NDUFAF6: variants seen among roughly 807,000 people sequenced by gnomAD.
NDUFAF6 encodes the protein NADH dehydrogenase (ubiquinone) complex I, assembly factor 6.
NDUFAF6 carries 45 observed loss-of-function variants against 40.8 expected under a neutral mutation model. That is an observed-to-expected ratio of 1.10 (90% CI 0.87 to 1.42). NDUFAF6 has a LOEUF of 1.42. Among genes scored for constraint, NDUFAF6 ranks in the 40% most tolerant of loss-of-function variants. The pLI, the probability that NDUFAF6 is intolerant of heterozygous loss-of-function variation, is 0.00. For synonymous variants in NDUFAF6, 185 were observed against 155.9 expected, an observed-to-expected ratio of 1.19 and a Z score of -1.39; for missense variants, 435 against 418.5, an observed-to-expected ratio of 1.04 and a Z score of -0.34.
intron 2 of NDUFAF6, among the ~76,000 whole-genome samples, chr8:95,019,613 T>A (rs181132172): frequency 6.6e-6 from 1 of 152,330 alleles, no homozygotes; most frequent in African/African-American, 2.4e-5. Flanking sequence ...ATTGAAAAAT[T>A]GGCAATATAA....
intron 1 of NDUFAF6, among the ~76,000 whole-genome samples, chr8:94,958,392 G>T (rs1261955595): frequency 2.0e-5 from 3 of 151,988 alleles, no homozygotes. Context: ...GTGCCCACAT[G>T]CTCTGCCTGT....
chr8:95,070,536 A>C (rs1832816398), intron 9 of NDUFAF6, among the ~76,000 whole-genome samples: 1 of 152,194 alleles, frequency 6.6e-6, no homozygotes, highest in African/African-American at 2.4e-5. Flanking sequence ...ACACATTTTT[A>C]CTTCTTCTAA....
At chr8:95,044,821 A>G (rs1830552472) in intron 4 of NDUFAF6, among the ~76,000 whole-genome samples, 1 of 151,828 alleles carries the variant, frequency 6.6e-6, no homozygotes, top group African/African-American at 2.4e-5. Flanking sequence ...TCTGATTTTA[A>G]AGAGGGTGAA....
chr8:94,955,256 C>G (rs1822977234), upstream of NDUFAF6, among the ~76,000 whole-genome samples: 1 of 152,180 alleles, frequency 6.6e-6, no homozygotes, highest in Non-Finnish European at 1.5e-5. Context: ...TCATAAAGAA[C>G]AGAGATTTAT....
chr8:95,011,167 A>T (rs1464306787), intron 2 of NDUFAF6, among the ~76,000 whole-genome samples: 1 of 152,202 alleles, frequency 6.6e-6, no homozygotes, highest in Non-Finnish European at 1.5e-5. Context: ...GGAGCATCAG[A>T]GAAGCACCAG....
At chr8:95,098,186 GA>G (rs1366508697), upstream of NDUFAF6, among the ~76,000 whole-genome samples, 1 of 152,170 alleles carries the variant, frequency 6.6e-6, no homozygotes, top group Non-Finnish European at 1.5e-5. Flanking sequence ...CTAACTGGGG[GA>G]AAGATGTTTA....
chr8:95,077,476 C>T (rs986129011), downstream of NDUFAF6, among the ~76,000 whole-genome samples: 11 of 152,288 alleles, frequency 7.2e-5, no homozygotes, highest in African/African-American at 9.6e-5. Flanking sequence ...ACGTCTACAA[C>T]GTGGAGATGC....
chr8:95,059,054 T>TTAA (rs1832494605), downstream of NDUFAF6, among the ~76,000 whole-genome samples: 1 of 151,970 alleles, frequency 6.6e-6, no homozygotes, highest in South Asian at 2.1e-4. Context: ...CGAATAATAA[T>TTAA]TAATAATAAT....
intron 1 of NDUFAF6, among the ~76,000 whole-genome samples, chr8:94,898,822 G>A (rs879306624): frequency 7.2e-5 from 11 of 151,970 alleles, no homozygotes; most frequent in South Asian, 2.1e-4. Flanking sequence ...ATGGATATTC[G>A]TTTTATAATT....
rs76910495 is a variant in NDUFAF6 at position 95,064,850 on chromosome 8, C to T, written c.*512-10783C>T. ...AGAAGCCAAGAAGAATCTAAACGGA[C>T]GGGCCTTGCTGGGTTTCCTCAGTCT... is the stretch of plus-strand genomic sequence containing the variant. On this transcript the variant is annotated intron_variant and NMD_transcript_variant, in intron 9 of 9. Coordinates refer to the NDUFAF6 transcript ENST00000520757. Among the ~76,000 whole-genome samples the T allele has an allele frequency of 4.9e-4, 75 of 152,256 alleles. No homozygotes were observed. In the East Asian group the frequency reaches 0.013, roughly 26 times the overall value.
intron 5 of NDUFAF6, among the ~76,000 whole-genome samples, chr8:95,046,308 G>A (rs1299857887): frequency 6.6e-6 from 1 of 152,184 alleles, no homozygotes; most frequent in African/African-American, 2.4e-5. Context: ...GCCTCCCAAA[G>A]TGCTGGGATT....
intron 1 of NDUFAF6, among the ~76,000 whole-genome samples, chr8:94,903,351 C>G (rs534705046): frequency 8.6e-5 from 13 of 152,004 alleles, no homozygotes; most frequent in African/African-American, 3.1e-4. Flanking sequence ...AGAGAGAGAC[C>G]CTGTCTCGAA....
intron 1 of NDUFAF6, among the ~76,000 whole-genome samples, chr8:95,031,786 A>G (rs563090042): frequency 6.6e-6 from 1 of 152,314 alleles, no homozygotes; most frequent in South Asian, 2.1e-4. Context: ...TTTTTAGTAG[A>G]GACGAGGTTT....
intron 1 of NDUFAF6, among the ~76,000 whole-genome samples, chr8:95,030,514 A>C (rs745869118): frequency 1.3e-5 from 2 of 152,152 alleles, no homozygotes; most frequent in Non-Finnish European, 2.9e-5. Flanking sequence ...GATTATAGGC[A>C]TGAGCCACCA....
At chr8:95,043,823 T>A (rs187984738) in intron 4 of NDUFAF6, among the ~76,000 whole-genome samples, 2 of 152,328 alleles carry the variant, frequency 1.3e-5, no homozygotes, top group Admixed American at 1.3e-4. Flanking sequence ...GAAAAATAGT[T>A]TGGCAACTTT....
At chr8:95,019,569 G>A (rs1827605460) in intron 2 of NDUFAF6, among the ~76,000 whole-genome samples, 1 of 151,782 alleles carries the variant, frequency 6.6e-6, no homozygotes. Flanking sequence ...GAAAAGATAA[G>A]AGAAAAAAAA....
intron 2 of NDUFAF6, among the ~76,000 whole-genome samples, chr8:95,015,108 G>A (rs1399499737): frequency 2.0e-5 from 3 of 152,214 alleles, no homozygotes; most frequent in Non-Finnish European, 4.4e-5. Context: ...CTGGATGGAT[G>A]AGCATTTACC....
Position 95,048,078 on chromosome 8 carries a change from C to T in NDUFAF6, c.715-379C>T, listed in dbSNP as rs138475954. On this transcript the variant is annotated intron_variant, in intron 6 of 8. Coordinates refer to ENST00000396124, the MANE Select transcript of NDUFAF6 (RefSeq NM_152416.4). ...GTGTGTTGGTGCACACCTATAGTCC[C>T]AGCTACTCAGGAGGCCAAGGTGGGA... Among the ~76,000 whole-genome samples, 660 of 152,096 alleles carry T rather than the reference C, an allele frequency of 4.3e-3. 2 individuals carry two copies. Among genetic ancestry groups the T allele is most frequent in the African/African-American group, 0.015 (629 of 41,496 alleles).
chr8:94,915,054 A>C (rs1371004700), intron 1 of NDUFAF6, among the ~76,000 whole-genome samples: 1 of 152,006 alleles, frequency 6.6e-6, no homozygotes, highest in Admixed American at 6.6e-5. Flanking sequence ...GTCATTTTGC[A>C]ACACTTTTCC....
Sources: gnomAD v4.1 joint callset for allele counts (sites outside exome capture counted in the v4.1 genomes callset) on GRCh38, gnomAD v4.1.1 for gene constraint, MANE v1.5 for transcripts, NCBI Gene and HGNC (gene_info 2026-07-23, HGNC 2026-07-21) for gene names.